Variants in CRTAC1 observed in about 807,000 individuals in gnomAD.
CRTAC1 encodes acidic secreted protein in cartilage.
In CRTAC1, 37 loss-of-function variants were observed where a neutral mutation model predicts 67.8. The ratio of observed to expected loss-of-function variants is 0.55; its 90% confidence interval spans 0.42 to 0.72. The LOEUF is 0.72. Ranked by LOEUF, CRTAC1 falls within the 30% of genes least tolerant of loss-of-function variation. The pLI, the probability that CRTAC1 is intolerant of heterozygous loss-of-function variation, is 0.00. For synonymous variants in CRTAC1, 348 were observed against 371.0 expected (o/e 0.94, Z 0.71); for missense variants, 780 against 931.6 (o/e 0.84, Z 2.12).
Position 97,924,228 on chromosome 10 carries a change from G to A in CRTAC1, c.422-828C>T, listed in dbSNP as rs546816993. 1.3e-4 allele frequency among the ~76,000 whole-genome samples: 20 copies of A among 152,272 alleles called. No homozygotes were observed. The South Asian group carries it at 4.1e-3, about 32-fold the overall frequency. On this transcript the variant is annotated intron_variant, in intron 3 of 14. Coordinates refer to ENST00000370597, the MANE Select transcript of CRTAC1 (RefSeq NM_018058.7). ...GCTGAGGTCTCAAGCCCATTCAAGT[G>A]ACCACTTGAAAGGCAGAGGTCTCTC...
At position 97,942,294 on chromosome 10, in the gene CRTAC1, G is replaced by A. The variant is rs142811159; in HGVS notation, c.225-5928C>T. ...CATAGTGAGCTCTTAATAAACCACC[G>A]CAGAGTGAATGGAAGAGATGAAGCC... On this transcript the variant is annotated intron_variant, in intron 2 of 14. Coordinates refer to ENST00000370597, the MANE Select transcript of CRTAC1 (RefSeq NM_018058.7). Among the ~76,000 whole-genome samples the A allele has an allele frequency of 2.2e-4, 34 of 152,252 alleles. No homozygotes were observed. In the East Asian group the frequency reaches 3.1e-3, roughly 14 times the overall value.
intron 8 of CRTAC1, among the ~76,000 whole-genome samples, chr10:97,898,483 C>G (rs936982258): frequency 1.3e-5 from 2 of 152,172 alleles, no homozygotes; most frequent in African/African-American, 4.8e-5. Context: ...GAGGGTGAGG[C>G]CTGGCATAGC....
intron 2 of CRTAC1, among the ~76,000 whole-genome samples, chr10:97,952,538 C>CAAAAAAAAAAAAAAAAA (rs397844653): frequency 1.6e-5 from 1 of 64,218 alleles, no homozygotes; most frequent in African/African-American, 6.8e-5. Context: ...AATTCCATCT[C>CAAAAAAAAAAAAAAAAA]AAAAAAAAAA....
At chr10:97,908,222 A>T in intron 5 of CRTAC1, 75 bp from the exon 6 acceptor site, 2 of 1,530,916 alleles carry the variant, frequency 1.3e-6, no homozygotes, top group Non-Finnish European at 1.8e-6. Flanking sequence ...GCTGCCTCTG[A>T]GGCCTGAGGG....
At chr10:97,932,004 T>C (rs1231662746) in intron 3 of CRTAC1, among the ~76,000 whole-genome samples, 1 of 152,192 alleles carries the variant, frequency 6.6e-6, no homozygotes, top group Admixed American at 6.5e-5. Flanking sequence ...TTTTTCTAGG[T>C]TGCTGAAGCC....
chr10:98,001,841 A>T (rs962284244), intron 2 of CRTAC1, among the ~76,000 whole-genome samples: 4 of 152,260 alleles, frequency 2.6e-5, no homozygotes, highest in Admixed American at 2.6e-4. Context: ...GAATCACAAC[A>T]AAGTGATAAG....
intron 5 of CRTAC1, among the ~76,000 whole-genome samples, chr10:97,909,088 GT>G (rs2050653506): frequency 6.6e-6 from 1 of 152,164 alleles, no homozygotes; most frequent in Admixed American, 6.5e-5. Flanking sequence ...AAGTATATAT[GT>G]TTTTTAAAAC....
At chr10:97,916,553 T>A (rs147658546) in intron 5 of CRTAC1, among the ~76,000 whole-genome samples, 209 of 152,224 alleles carry the variant, frequency 1.4e-3, no homozygotes, top group Non-Finnish European at 2.5e-3. Context: ...CACCCAGGTG[T>A]CTGGAGGCAG....
At chr10:98,022,895 T>C (rs920711067) in intron 1 of CRTAC1, among the ~76,000 whole-genome samples, 2 of 152,046 alleles carry the variant, frequency 1.3e-5, no homozygotes, top group African/African-American at 4.8e-5. Flanking sequence ...AGGGGTGGGG[T>C]AGGGCACTGG....
chr10:97,892,429 G>A (rs549960620), intron 11 of CRTAC1, among the ~76,000 whole-genome samples: 1 of 152,302 alleles, frequency 6.6e-6, no homozygotes, highest in African/African-American at 2.4e-5. Context: ...ATACCGTGGT[G>A]GTCACCTTGG....
chr10:97,967,721 T>C (rs2051641985), intron 2 of CRTAC1, among the ~76,000 whole-genome samples: 1 of 152,016 alleles, frequency 6.6e-6, no homozygotes, highest in Admixed American at 6.6e-5. Flanking sequence ...TTCTGCAAAG[T>C]TGGATCTGGT....
chr10:97,895,657 G>A lies in CRTAC1; in HGVS notation c.1317+228C>T, dbSNP rs990126021. On this transcript the variant is annotated intron_variant, in intron 10 of 14. Coordinates refer to ENST00000370597, the MANE Select transcript of CRTAC1 (RefSeq NM_018058.7). The surrounding 1 kb of genome is among the most constrained non-coding windows in gnomAD (Gnocchi z 4.2). Reference sequence around the variant, plus strand: ...AAAGCCGAGGGACTCAGGGCACAGTGTTTGGCAGATAAATGATACTGGAAG... The same window carrying A: ...AAAGCCGAGGGACTCAGGGCACAGTATTTGGCAGATAAATGATACTGGAAG... Among the ~76,000 whole-genome samples, 2 of 152,218 alleles carry A rather than the reference G, an allele frequency of 1.3e-5. No individual in the cohort carries two copies. Among genetic ancestry groups the A allele is most frequent in the African/African-American group, 4.8e-5 (2 of 41,462 alleles).
chr10:97,982,203 A>C (rs982403312), intron 2 of CRTAC1, among the ~76,000 whole-genome samples: 2 of 152,230 alleles, frequency 1.3e-5, no homozygotes, highest in African/African-American at 2.4e-5. Context: ...CATCAATACA[A>C]ATGTCCACCA....
intron 11 of CRTAC1, among the ~76,000 whole-genome samples, chr10:97,890,737 G>T (rs1437314626): frequency 6.8e-6 from 1 of 146,046 alleles, no homozygotes; most frequent in Non-Finnish European, 1.5e-5. Context: ...GCACAATCTT[G>T]CCTCACCGTA....
chr10:98,015,433 G>T (rs895979355), intron 1 of CRTAC1, among the ~76,000 whole-genome samples: 7 of 152,020 alleles, frequency 4.6e-5, no homozygotes, highest in Non-Finnish European at 7.4e-5. Context: ...TGGTGGTGAT[G>T]GTTGTACAAC....
At chr10:97,978,694 C>T (rs1287524312) in intron 2 of CRTAC1, among the ~76,000 whole-genome samples, 1 of 152,200 alleles carries the variant, frequency 6.6e-6, no homozygotes, top group Non-Finnish European at 1.5e-5. Context: ...ATTCAAGTCT[C>T]AGCTCTAATG....
chr10:97,924,648 A>G (rs1370961404), intron 3 of CRTAC1, among the ~76,000 whole-genome samples: 1 of 152,216 alleles, frequency 6.6e-6, no homozygotes, highest in Non-Finnish European at 1.5e-5. Flanking sequence ...CAGTAGTTAC[A>G]GTCAAGTTTA....
At chr10:97,973,610 G>A (rs774339411) in intron 2 of CRTAC1, among the ~76,000 whole-genome samples, 1 of 152,080 alleles carries the variant, frequency 6.6e-6, no homozygotes, top group Admixed American at 6.5e-5. Flanking sequence ...CCAACCTGCT[G>A]ATTTCTAATT....
Position 98,002,761 on chromosome 10 carries a change from CTTTTTTTTTTT to C in CRTAC1, c.224+8366_224+8376del, listed in dbSNP as rs531021933. Among the ~76,000 whole-genome samples the C allele has an allele frequency of 9.5e-3, 353 of 37,292 alleles. 9 individuals are homozygous for C. The highest frequency in any genetic ancestry group is 0.025 in the African/African-American group (313 of 12,490). The allele number at this position is 37,292 out of a possible 152,430, so 24.5% of individuals were successfully genotyped here. A position where few individuals can be genotyped will look rare whatever the true frequency, so the allele number is the denominator to read the frequency against. ...TTTTAGGAATTCTTTACAAAACTCA[CTTTTTTTTTTT>C]TTTTTTTTTTTTTTTTTTTTTTTTT... On this transcript the variant is annotated intron_variant, in intron 2 of 14. Coordinates refer to ENST00000370597, the MANE Select transcript of CRTAC1 (RefSeq NM_018058.7).
Sources: gnomAD v4.1 joint callset for allele counts (sites outside exome capture counted in the v4.1 genomes callset) on GRCh38, gnomAD v4.1.1 for gene constraint, Gnocchi (gnomAD v3.1) non-coding constraint, MANE v1.5 for transcripts, NCBI Gene and HGNC (gene_info 2026-07-23, HGNC 2026-07-21) for gene names.